The following NLRC4 variants were observed in gnomAD, a reference collection of about 807,000 sequenced individuals.
NLRC4 encodes the protein NLR family CARD domain containing 4, also known as NLR family CARD domain-containing protein 4.
In NLRC4, 63 loss-of-function variants were observed where a neutral mutation model predicts 79.9. The observed-to-expected ratio is 0.79, with a 90% CI of 0.64 to 0.97. The LOEUF (loss-of-function observed/expected upper bound fraction) is 0.97. NLRC4 is among the 50% of genes least tolerant of loss of function. The pLI is 0.00. For synonymous variants in NLRC4, 461 were observed against 456.5 expected (o/e 1.01, Z -0.12); for missense variants, 1,074 against 1,215.2 (o/e 0.88, Z 1.73).
chr2:32,235,915 C>T (rs773313544), intron 7 of NLRC4, among the ~76,000 whole-genome samples: 11 of 152,100 alleles, frequency 7.2e-5, no homozygotes, highest in Non-Finnish European at 1.6e-4. Flanking sequence ...ACCATAATCA[C>T]ATATCACTAT....
intron 8 of NLRC4, among the ~76,000 whole-genome samples, chr2:32,228,179 G>A (rs1373857824): frequency 6.6e-6 from 1 of 152,192 alleles, no homozygotes; most frequent in Non-Finnish European, 1.5e-5. Context: ...AATTAGATGG[G>A]TGGTGGGTGC....
intron 8 of NLRC4, among the ~76,000 whole-genome samples, chr2:32,232,622 C>G (rs1012512629): frequency 6.6e-6 from 1 of 152,180 alleles, no homozygotes; most frequent in African/African-American, 2.4e-5. Flanking sequence ...TGAATTGACT[C>G]ATGCTACTGT....
chr2:32,265,574 AG>A (rs1159573400), upstream of NLRC4: 1 of 152,396 alleles, frequency 6.6e-6, no homozygotes, highest in African/African-American at 2.4e-5. Flanking sequence ...ACTGCATTCA[AG>A]GTCATGCTTA....
intron 4 of NLRC4, among the ~76,000 whole-genome samples, chr2:32,249,023 G>A (rs1261121254): frequency 6.6e-6 from 1 of 152,194 alleles, no homozygotes; most frequent in Non-Finnish European, 1.5e-5. Flanking sequence ...ACTGGTTCTG[G>A]CTGGTTTACA....
At chr2:32,245,413 A>G (rs1309914418) in intron 4 of NLRC4, among the ~76,000 whole-genome samples, 3 of 151,640 alleles carry the variant, frequency 2.0e-5, no homozygotes, top group Non-Finnish European at 2.9e-5. Flanking sequence ...ACTTATTTGT[A>G]GGATCTAAAA....
rs1200937894 is a variant in NLRC4 at position 32,243,364 on chromosome 2, C to T, written c.2258-2239G>A. 4.1e-5 allele frequency among the ~76,000 whole-genome samples: 6 copies of T among 146,332 alleles called. No homozygotes were observed. In the South Asian group the frequency reaches 1.1e-3, roughly 27 times the overall value. On this transcript the variant is annotated intron_variant, in intron 4 of 8. Coordinates refer to ENST00000402280, the MANE Select transcript of NLRC4 (RefSeq NM_001199138.2). ...GGCAGAGGTTGCAGTGAGCTGAGAT[C>T]GCACCACTGCACTCCAGCCCTGGTG...
At chr2:32,227,746 AAAC>A (rs1237785402) in intron 8 of NLRC4, among the ~76,000 whole-genome samples, 1 of 152,242 alleles carries the variant, frequency 6.6e-6, no homozygotes, top group Non-Finnish European at 1.5e-5. Context: ...AACCAAGAAC[AAAC>A]AACATTTGTC....
Position 32,250,463 on chromosome 2 carries a change from C to T in NLRC4, c.1401G>A (p.Val467=). The T allele has an allele frequency of 6.2e-7, 1 of 1,614,206 alleles. No homozygotes were observed. Among genetic ancestry groups the T allele is most frequent in the Non-Finnish European group, 8.5e-7 (1 of 1,180,036 alleles). Residue 467 remains valine, a synonymous_variant, in exon 4 of 9, where the codon GTG becomes GTA. Transcript: ENST00000402280. This position sits in a 1 kb window ranked among gnomAD's most constrained non-coding sequence, Gnocchi z 4.9. ...SLLTSHEPEE[V]TKGNGYLQKM... Reference sequence around the variant, plus strand: ...TCTGCAAGTAACCATTCCCCTTGGTCACCTCCTCTGGCTCATGAGACGTCA... The same window carrying T: ...TCTGCAAGTAACCATTCCCCTTGGTTACCTCCTCTGGCTCATGAGACGTCA...
chr2:32,224,510 C>CT lies in NLRC4; in HGVS notation c.3037dup (p.Ser1013LysfsTer8). 1 of 1,613,034 alleles carries CT rather than the reference C, an allele frequency of 6.2e-7. No individual in the cohort carries two copies. The highest frequency in any genetic ancestry group is 8.5e-7 in the Non-Finnish European group (1 of 1,179,578). On this transcript the variant is annotated frameshift_variant, in exon 9 of 9. Coordinates refer to ENST00000402280, the MANE Select transcript of NLRC4 (RefSeq NM_001199138.2). LOFTEE classifies it high-confidence loss of function. Reference sequence around the variant, plus strand: ...TAGTTTAAAAGCACCTGTAATAACACTGAGATCATCATCATCAAATTGCCA... The same window carrying CT: ...TAGTTTAAAAGCACCTGTAATAACACTTGAGATCATCATCATCAAATTGCCA...
At chr2:32,264,235 C>G (rs545732312) in intron 1 of NLRC4, among the ~76,000 whole-genome samples, 1 of 152,100 alleles carries the variant, frequency 6.6e-6, no homozygotes, top group East Asian at 1.9e-4. Context: ...GGAGTTGAGA[C>G]CAGTCTGGCC....
rs1172694089 is a variant in NLRC4 at position 32,253,436 on chromosome 2, C to A, written c.2-757G>T. On this transcript the variant is annotated intron_variant, in intron 2 of 8. Coordinates refer to ENST00000402280, the MANE Select transcript of NLRC4 (RefSeq NM_001199138.2). The stretch of plus-strand genomic sequence containing the variant: ...GTGCTGGGATTACAGGCGTGAGCCA[C>A]CGTGCCCGGCCTCTGCAAAGCATTT... 2.0e-5 allele frequency among the ~76,000 whole-genome samples: 3 copies of A among 152,010 alleles called. No homozygotes were observed. The South Asian group carries it at 6.2e-4, about 32-fold the overall frequency.
At chr2:32,239,850 C>A (rs970331946) in intron 5 of NLRC4, among the ~76,000 whole-genome samples, 1 of 152,212 alleles carries the variant, frequency 6.6e-6, no homozygotes, top group Non-Finnish European at 1.5e-5. Context: ...ATTAGATGCT[C>A]TCAATCCCCT....
chr2:32,240,898 C>G, intron 5 of NLRC4, 135 bp downstream of exon 5: 1 of 599,914 alleles, frequency 1.7e-6, no homozygotes, highest in Non-Finnish European at 2.9e-6. Flanking sequence ...GGGAAAATGT[C>G]TGGGGAAACC....
intron 5 of NLRC4, 61 bp from the exon 6 acceptor site, chr2:32,238,363 T>G: frequency 7.3e-7 from 1 of 1,371,128 alleles, no homozygotes; most frequent in Admixed American, 2.1e-5. Context: ...AAGCATAGAT[T>G]AATGAACTGA....
intron 4 of NLRC4, among the ~76,000 whole-genome samples, chr2:32,246,811 C>G (rs1413693182): frequency 6.6e-6 from 1 of 152,190 alleles, no homozygotes; most frequent in Non-Finnish European, 1.5e-5. Flanking sequence ...GAGATAGGGT[C>G]TTGCTGTGTT....
intron 2 of NLRC4, among the ~76,000 whole-genome samples, chr2:32,254,491 C>T (rs907684188): frequency 1.3e-5 from 2 of 151,818 alleles, no homozygotes; most frequent in Non-Finnish European, 2.9e-5. Flanking sequence ...GAAACGTAGA[C>T]CACACCGTAC....
rs1278514205 is a variant in NLRC4 at position 32,256,767 on chromosome 2, A to G, written c.1+8T>C. On this transcript the variant is annotated splice_region_variant and intron_variant, in intron 2 of 8. Transcript: ENST00000402280. ...TAACCAGGCAGATGTTATTTCTCAT[A>G]TACTTACTTGTTCTGGATGAAAGCT... The G allele has an allele frequency of 1.3e-6, 1 of 780,952 alleles. No individual in the cohort carries two copies. The highest frequency in any genetic ancestry group is 2.4e-5 in the East Asian group (1 of 41,240). 48.4% of individuals were successfully genotyped at this position (780,952 alleles called of 1,614,324 possible).
chr2:32,249,524 A>G, intron 4 of NLRC4, 83 bp downstream of exon 4: 168 of 998,728 alleles, frequency 1.7e-4, no homozygotes, highest in Middle Eastern at 2.3e-4. Flanking sequence ...GAAGAAATAA[A>G]GTCTCCTCTC....
intron 2 of NLRC4, among the ~76,000 whole-genome samples, chr2:32,256,200 T>C (rs1687205248): frequency 6.6e-6 from 1 of 152,190 alleles, no homozygotes; most frequent in African/African-American, 2.4e-5. Flanking sequence ...TCTAGACCAA[T>C]GCTTTTCAAT....
Sources: allele counts gnomAD v4.1 joint callset (sites outside exome capture counted in the v4.1 genomes callset), GRCh38; gene constraint gnomAD v4.1.1; non-coding constraint Gnocchi (gnomAD v3.1); transcripts MANE v1.5; gene names NCBI Gene and HGNC (gene_info 2026-07-23, HGNC 2026-07-21).